Variants in SLX4IP observed in about 807,000 individuals in gnomAD.
SLX4IP encodes the protein SLX4 interacting protein.
In SLX4IP, 34 loss-of-function variants were observed where a neutral mutation model predicts 32.9. The ratio of observed to expected loss-of-function variants is 1.03; its 90% CI spans 0.79 to 1.38. The LOEUF is 1.38. Ranked by LOEUF, SLX4IP falls within the 40% of genes most tolerant of loss-of-function variation. SLX4IP has a pLI of 0.00. For synonymous variants in SLX4IP, 172 were observed against 171.7 expected, an observed-to-expected ratio of 1.00 and a Z score of -0.01; for missense variants, 444 against 479.0, an observed-to-expected ratio of 0.93 and a Z score of 0.68.
At chr20:10,541,352 C>G (rs2066103923) in intron 2 of SLX4IP, among the ~76,000 whole-genome samples, 1 of 152,144 alleles carries the variant, frequency 6.6e-6, no homozygotes, top group Non-Finnish European at 1.5e-5. Context: ...CTGGGCACTT[C>G]CTATTATGAG....
At position 10,623,166 on chromosome 20, in the gene SLX4IP, G is replaced by A. The variant is rs151216401; in HGVS notation, c.1014G>A (p.Glu338=). 4.3e-6 allele frequency: 7 copies of A among 1,614,088 alleles called. No individual in the cohort carries two copies. The highest frequency in any genetic ancestry group is 5.9e-6 in the Non-Finnish European group (7 of 1,180,048). ...CTGTCAGGGTTTTGCCAGCTTCAGA[G>A]TTGTCAGATCCAGGGTTACTTTTGA... ...SKAVRVLPAS[E]LSDPGLLLKQ... is the part of the protein sequence containing the mutation. The change falls in exon 8 of 8, where the codon GAG becomes GAA. Residue 338 remains glutamate, a synonymous_variant. Transcript: ENST00000334534.
At chr20:10,572,870 C>T (rs918898525) in intron 4 of SLX4IP, among the ~76,000 whole-genome samples, 3 of 152,170 alleles carry the variant, frequency 2.0e-5, no homozygotes, top group Non-Finnish European at 4.4e-5. Context: ...TCTCTCTCTT[C>T]GTCAACACTC....
intron 1 of SLX4IP, among the ~76,000 whole-genome samples, chr20:10,447,733 C>T (rs2065212866): frequency 6.6e-6 from 1 of 151,878 alleles, no homozygotes; most frequent in South Asian, 2.1e-4. Flanking sequence ...GAGACAGGGT[C>T]TCTGTCACCC....
At chr20:10,504,811 G>A (rs769257915) in intron 2 of SLX4IP, among the ~76,000 whole-genome samples, 4 of 152,094 alleles carry the variant, frequency 2.6e-5, no homozygotes, top group Admixed American at 1.3e-4. Flanking sequence ...TTAGGTAGCC[G>A]GAACTGTGGC....
At chr20:10,590,088 G>A (rs899502154) in intron 4 of SLX4IP, among the ~76,000 whole-genome samples, 13 of 152,008 alleles carry the variant, frequency 8.6e-5, no homozygotes. Flanking sequence ...GTACACAATA[G>A]GCACTCGGTA....
intron 2 of SLX4IP, among the ~76,000 whole-genome samples, chr20:10,461,248 T>C (rs1469282006): frequency 6.6e-6 from 1 of 152,210 alleles, no homozygotes; most frequent in Non-Finnish European, 1.5e-5. Context: ...ACCATGAAAC[T>C]TGGACGTGAG....
intron 2 of SLX4IP, among the ~76,000 whole-genome samples, chr20:10,555,480 T>G (rs1401151301): frequency 6.6e-6 from 1 of 152,208 alleles, no homozygotes; most frequent in Non-Finnish European, 1.5e-5. Context: ...TTATTAAAAA[T>G]GTAGCTTATC....
At chr20:10,500,991 A>C (rs2065713163) in intron 2 of SLX4IP, among the ~76,000 whole-genome samples, 1 of 152,156 alleles carries the variant, frequency 6.6e-6, no homozygotes, top group Admixed American at 6.5e-5. Context: ...ATCCTGTAGA[A>C]CCAGTGTTTT....
intron 3 of SLX4IP, 50 bp from the exon 4 acceptor site, chr20:10,560,649 AT>A (rs748871512): frequency 9.0e-6 from 12 of 1,327,504 alleles, no homozygotes; most frequent in Admixed American, 2.8e-5. Flanking sequence ...ATATATGTTA[AT>A]TTTTTTGCAT....
intron 1 of SLX4IP, among the ~76,000 whole-genome samples, chr20:10,457,225 A>T (rs932371489): frequency 6.6e-6 from 1 of 151,992 alleles, no homozygotes; most frequent in Non-Finnish European, 1.5e-5. Flanking sequence ...TAATTGCCTT[A>T]GTTAGAACCT....
intron 2 of SLX4IP, among the ~76,000 whole-genome samples, chr20:10,520,136 C>T (rs753205792): frequency 6.6e-5 from 10 of 152,022 alleles, no homozygotes; most frequent in Non-Finnish European, 1.3e-4. Context: ...CTGCTACCTC[C>T]GCCTCTTGGG....
chr20:10,478,575 T>TA (rs2065493445), intron 2 of SLX4IP, among the ~76,000 whole-genome samples: 1 of 152,248 alleles, frequency 6.6e-6, no homozygotes, highest in Non-Finnish European at 1.5e-5. Flanking sequence ...TTTGTAATTT[T>TA]AAACATTTTA....
chr20:10,556,338 A>G lies in SLX4IP; in HGVS notation c.117+18A>G, dbSNP rs370366440. On this transcript the variant is annotated intron_variant, in intron 3 of 7. Transcript: ENST00000334534. Reference sequence around the variant, plus strand: ...AGAAAGAGGTACAACAAAACTTTCTACTATTTAATTGCAAGTAGCTGCTGC... The same window carrying G: ...AGAAAGAGGTACAACAAAACTTTCTGCTATTTAATTGCAAGTAGCTGCTGC... 4 of 1,605,756 alleles carry G rather than the reference A, an allele frequency of 2.5e-6. No individual in the cohort carries two copies. Among genetic ancestry groups the G allele is most frequent in the Non-Finnish European group, 2.6e-6 (3 of 1,174,630 alleles).
chr20:10,492,830 C>A (rs1568707971), intron 2 of SLX4IP, among the ~76,000 whole-genome samples: 2 of 152,164 alleles, frequency 1.3e-5, no homozygotes, highest in Admixed American at 6.5e-5. Context: ...TATCTCAGAA[C>A]AGCTTATCCT....
chr20:10,532,435 T>G (rs1015698644), intron 2 of SLX4IP, among the ~76,000 whole-genome samples: 7 of 152,064 alleles, frequency 4.6e-5, no homozygotes, highest in African/African-American at 1.7e-4. Context: ...GAAGGTGACA[T>G]GAAGGAGGGA....
chr20:10,472,357 A>G (rs2065432153), intron 2 of SLX4IP, among the ~76,000 whole-genome samples: 1 of 151,770 alleles, frequency 6.6e-6, no homozygotes, highest in Admixed American at 6.6e-5. Context: ...TAGCCTCCCG[A>G]GTAGCTGGGA....
intron 2 of SLX4IP, among the ~76,000 whole-genome samples, chr20:10,509,595 A>G (rs563906124): frequency 7.0e-4 from 107 of 152,318 alleles, no homozygotes; most frequent in African/African-American, 2.5e-3. Flanking sequence ...CAGCTGATTC[A>G]CTATGTGGAC....
At chr20:10,458,096 C>T (rs953814161) in intron 1 of SLX4IP, 80 bp from the exon 2 acceptor site, 24 of 831,780 alleles carry the variant, frequency 2.9e-5, no homozygotes, top group Non-Finnish European at 4.3e-5. Flanking sequence ...TTTTACTATT[C>T]AGCCCATCTT....
intron 3 of SLX4IP, among the ~76,000 whole-genome samples, chr20:10,556,691 G>T (rs187850255): frequency 6.6e-6 from 1 of 152,312 alleles, no homozygotes; most frequent in Non-Finnish European, 1.5e-5. Context: ...CCTGAAGCAG[G>T]TGTGGCAGTT....
Sources: allele counts gnomAD v4.1 joint callset (sites outside exome capture counted in the v4.1 genomes callset), GRCh38; gene constraint gnomAD v4.1.1; transcripts MANE v1.5; gene names NCBI Gene and HGNC (gene_info 2026-07-23, HGNC 2026-07-21).